Variants in WDR7 observed in about 807,000 individuals in gnomAD.
WDR7 encodes WD repeat-containing protein 7.
In WDR7, 46 loss-of-function variants were observed where a neutral mutation model predicts 169.4. That is an observed-to-expected ratio of 0.27 (90% confidence interval 0.21 to 0.35). The LOEUF is 0.35. WDR7 is among the 10% of genes least tolerant of loss of function. The probability of loss-of-function intolerance (pLI) is 1.00; values close to 1 mark genes in which losing one functional copy is unlikely to be tolerated. For synonymous variants in WDR7, 612 were observed against 666.8 expected (o/e 0.92, Z 1.27); for missense variants, 1,534 against 1,859.3 (o/e 0.83, Z 3.22).
intron 26 of WDR7, among the ~76,000 whole-genome samples, chr18:56,966,404 G>A (rs1182064808): frequency 6.6e-6 from 1 of 152,008 alleles, no homozygotes; most frequent in East Asian, 1.9e-4. Flanking sequence ...ACATGAAGTT[G>A]AGGAGGATGA....
At chr18:56,804,548 C>T (rs1317138235) in intron 19 of WDR7, among the ~76,000 whole-genome samples, 2 of 152,164 alleles carry the variant, frequency 1.3e-5, no homozygotes, top group East Asian at 3.9e-4. Flanking sequence ...ATGCTAATGA[C>T]AGTCATATGG....
intron 15 of WDR7, among the ~76,000 whole-genome samples, chr18:56,757,784 C>T (rs2043918595): frequency 6.6e-6 from 1 of 151,936 alleles, no homozygotes; most frequent in South Asian, 2.1e-4. Context: ...CCAGCCTGAG[C>T]AGCATAGACC....
At position 56,681,430 on chromosome 18, in the gene WDR7, A is replaced by T. The variant is rs775405163; in HGVS notation, c.345+39A>T. On this transcript the variant is annotated intron_variant, in intron 4 of 27. Coordinates refer to ENST00000254442, the MANE Select transcript of WDR7 (RefSeq NM_015285.3). ...TCTGTGACTCTAAGTACAAACTATT[A>T]TAAGTATATAATTTAAAATATTTTT... is the stretch of plus-strand genomic sequence containing the variant. The T allele has an allele frequency of 1.0e-5, 13 of 1,248,632 alleles. No individual in the cohort carries two copies. In the East Asian group the frequency reaches 1.6e-4, roughly 15 times the overall value. The allele number at this position is 1,248,632 out of a possible 1,614,324, so 77.3% of individuals were successfully genotyped here.
chr18:56,667,400 A>G (rs575358225), intron 1 of WDR7, among the ~76,000 whole-genome samples: 25 of 151,980 alleles, frequency 1.6e-4, no homozygotes, highest in Middle Eastern at 6.8e-3. Flanking sequence ...TGGTAATCCA[A>G]CCCTCATACT....
At chr18:56,891,432 A>G (rs1048118109) in intron 21 of WDR7, among the ~76,000 whole-genome samples, 2 of 152,108 alleles carry the variant, frequency 1.3e-5, no homozygotes, top group Non-Finnish European at 2.9e-5. Context: ...GATTAAGTAA[A>G]TCAATGCATG....
chr18:56,784,685 CA>C (rs1417431938), intron 19 of WDR7, among the ~76,000 whole-genome samples: 2 of 152,136 alleles, frequency 1.3e-5, no homozygotes, highest in African/African-American at 4.8e-5. Context: ...AATGGAGTCA[CA>C]AAAATTGTAA....
chr18:56,659,383 A>G (rs1233626167), intron 1 of WDR7, among the ~76,000 whole-genome samples: 3 of 152,208 alleles, frequency 2.0e-5, no homozygotes, highest in South Asian at 2.1e-4. Context: ...TTGTTTATTT[A>G]TTCAAGTATT....
At chr18:56,713,553 G>A (rs971724170) in intron 12 of WDR7, among the ~76,000 whole-genome samples, 1 of 152,094 alleles carries the variant, frequency 6.6e-6, no homozygotes, top group South Asian at 2.1e-4. Flanking sequence ...AAGATAAGAG[G>A]TTCACATTTT....
At chr18:56,808,533 T>A in intron 19 of WDR7, among the ~76,000 whole-genome samples, 1 of 152,194 alleles carries the variant, frequency 6.6e-6, no homozygotes, top group Non-Finnish European at 1.5e-5. Context: ...AATAAAAAAA[T>A]GAAACTATAA....
At chr18:56,791,506 A>G (rs1244384266) in intron 19 of WDR7, among the ~76,000 whole-genome samples, 3 of 151,784 alleles carry the variant, frequency 2.0e-5, no homozygotes, top group Non-Finnish European at 4.4e-5. Context: ...TTTGATTTTT[A>G]TCTGTTTGTT....
At position 57,028,805 on chromosome 18, in the gene WDR7, T is replaced by TA. The variant is rs1459989239; in HGVS notation, c.*1599dup. The TA allele has an allele frequency of 6.6e-6, 1 of 152,658 alleles. No homozygotes were observed. Among genetic ancestry groups the TA allele is most frequent in the Admixed American group, 6.5e-5 (1 of 15,288 alleles). 9.5% of individuals were successfully genotyped at this position (152,658 alleles called of 1,614,324 possible). On this transcript the variant is annotated 3_prime_UTR_variant, in exon 28 of 28. Transcript: ENST00000254442. ...GTTATTTCCATTGACGGCAAATCTA[T>TA]ACTGTTCCTTGGTTTTAGAGTTGGG...
chr18:56,970,726 G>A (rs144382688), intron 26 of WDR7, among the ~76,000 whole-genome samples: 1 of 152,252 alleles, frequency 6.6e-6, no homozygotes, highest in Non-Finnish European at 1.5e-5. Context: ...CATTCTATGG[G>A]TGTGGGCAAA....
chr18:56,750,437 T>C (rs1317728693), intron 14 of WDR7, among the ~76,000 whole-genome samples: 2 of 152,210 alleles, frequency 1.3e-5, no homozygotes, highest in Non-Finnish European at 2.9e-5. Context: ...TAATTTAACT[T>C]TCCTAGTTGG....
intron 20 of WDR7, among the ~76,000 whole-genome samples, chr18:56,848,846 C>G (rs929714113): frequency 1.3e-5 from 2 of 152,166 alleles, no homozygotes; most frequent in African/African-American, 4.8e-5. Context: ...AAGATGCTGG[C>G]ACCATACTTC....
At chr18:56,895,900 A>G (rs2046326679) in intron 21 of WDR7, among the ~76,000 whole-genome samples, 1 of 151,834 alleles carries the variant, frequency 6.6e-6, no homozygotes, top group Admixed American at 6.6e-5. Flanking sequence ...CATTCTTATA[A>G]TAACTAGGCC....
intron 2 of WDR7, among the ~76,000 whole-genome samples, chr18:56,677,984 T>C (rs766666442): frequency 3.9e-4 from 59 of 152,170 alleles, no homozygotes; most frequent in Non-Finnish European, 1.2e-4. Flanking sequence ...GACTGTATAT[T>C]TTCAAATAGG....
At chr18:56,876,813 AAAT>A (rs1038840586) in intron 20 of WDR7, among the ~76,000 whole-genome samples, 1 of 152,192 alleles carries the variant, frequency 6.6e-6, no homozygotes, top group African/African-American at 2.4e-5. Flanking sequence ...GTAGAAGGAG[AAAT>A]AATAAAAATA....
chr18:56,718,221 A>G (rs887828194), intron 13 of WDR7, 62 bp downstream of exon 13: 4 of 1,358,366 alleles, frequency 2.9e-6, no homozygotes, highest in Middle Eastern at 3.9e-4. Flanking sequence ...TTTTCTAGAA[A>G]TGAAAATGTC....
chr18:56,913,264 G>A (rs531992098), intron 21 of WDR7, among the ~76,000 whole-genome samples: 29 of 152,098 alleles, frequency 1.9e-4, no homozygotes, highest in Non-Finnish European at 3.2e-4. Flanking sequence ...TGTTTGATGC[G>A]TATCTAAAGT....
Sources: allele counts gnomAD v4.1 joint callset (sites outside exome capture counted in the v4.1 genomes callset), GRCh38; gene constraint gnomAD v4.1.1; transcripts MANE v1.5; gene names NCBI Gene and HGNC (gene_info 2026-07-23, HGNC 2026-07-21).